Variants in UHRF2 observed in about 807,000 individuals in gnomAD.
UHRF2 encodes the protein ubiquitin like with PHD and ring finger domains 2.
In UHRF2, 23 loss-of-function variants were observed where a neutral mutation model predicts 96.8. That is an observed-to-expected ratio of 0.24 (90% CI 0.17 to 0.34). UHRF2 has a LOEUF of 0.34. UHRF2 is among the 10% of genes least tolerant of loss of function. UHRF2 has a pLI of 1.00. For synonymous variants in UHRF2, 385 were observed against 332.6 expected, an observed-to-expected ratio of 1.16 and a Z score of -1.72; for missense variants, 685 against 981.5, an observed-to-expected ratio of 0.70 and a Z score of 4.04.
Position 6,501,821 on chromosome 9 carries a change from C to G in UHRF2, c.2163+1112C>G, listed in dbSNP as rs149822542. Reference sequence around the variant, plus strand: ...ATACAGGAAGCAGTTGTTAATCAGCCTAATTATTCTCTGATTGGGAAAGAT... The same window carrying G: ...ATACAGGAAGCAGTTGTTAATCAGCGTAATTATTCTCTGATTGGGAAAGAT... On this transcript the variant is annotated intron_variant, in intron 14 of 15. Coordinates refer to ENST00000276893, the MANE Select transcript of UHRF2 (RefSeq NM_152896.3). 1.1e-3 allele frequency among the ~76,000 whole-genome samples: 169 copies of G among 152,256 alleles called. 1 individual carries two copies. Among genetic ancestry groups the G allele is most frequent in the African/African-American group, 3.9e-3 (160 of 41,544 alleles).
intron 4 of UHRF2, among the ~76,000 whole-genome samples, chr9:6,467,118 C>CT (rs1822912793): frequency 6.6e-6 from 1 of 152,296 alleles, no homozygotes; most frequent in South Asian, 2.1e-4. Flanking sequence ...TTGAATTTCA[C>CT]TAGGCAAAAA....
intron 2 of UHRF2, among the ~76,000 whole-genome samples, chr9:6,424,352 A>G (rs1181948310): frequency 1.4e-5 from 2 of 141,382 alleles, no homozygotes; most frequent in Admixed American, 7.5e-5. Context: ...TATGTAAATT[A>G]AAACAGTGCT....
chr9:6,433,095 A>G (rs1820647811), intron 2 of UHRF2, among the ~76,000 whole-genome samples: 1 of 152,194 alleles, frequency 6.6e-6, no homozygotes, highest in South Asian at 2.1e-4. Context: ...TTGGCCTTCC[A>G]AAGAGCTGGG....
chr9:6,502,528 T>G (rs1166887978), intron 14 of UHRF2, among the ~76,000 whole-genome samples: 1 of 152,216 alleles, frequency 6.6e-6, no homozygotes, highest in African/African-American at 2.4e-5. Context: ...GCTCAGGCAA[T>G]CCTCCCGCTT....
intron 2 of UHRF2, among the ~76,000 whole-genome samples, chr9:6,426,851 C>T (rs902961139): frequency 1.3e-5 from 2 of 152,106 alleles, no homozygotes; most frequent in African/African-American, 2.4e-5. Context: ...TGGGTTCAAG[C>T]GATTCTACTG....
At chr9:6,480,261 T>G (rs1002076427) in intron 6 of UHRF2, among the ~76,000 whole-genome samples, 1 of 152,244 alleles carries the variant, frequency 6.6e-6, no homozygotes, top group Non-Finnish European at 1.5e-5. Context: ...CTAGTCACTC[T>G]TGTCACATAT....
intron 9 of UHRF2, among the ~76,000 whole-genome samples, chr9:6,488,950 C>T (rs1182478770): frequency 6.6e-6 from 1 of 151,864 alleles, no homozygotes; most frequent in African/African-American, 2.4e-5. Flanking sequence ...GTAGCTGGGA[C>T]TACAGGCATG....
intron 2 of UHRF2, among the ~76,000 whole-genome samples, chr9:6,430,063 T>G (rs1311162433): frequency 6.6e-6 from 1 of 152,250 alleles, no homozygotes; most frequent in Non-Finnish European, 1.5e-5. Flanking sequence ...TGCCCTGAAG[T>G]GCAATGGCAC....
intron 14 of UHRF2, among the ~76,000 whole-genome samples, chr9:6,501,834 G>C (rs1340455851): frequency 1.3e-5 from 2 of 152,204 alleles, no homozygotes; most frequent in African/African-American, 4.8e-5. Context: ...ATTATTCTCT[G>C]ATTGGGAAAG....
chr9:6,474,468 G>A (rs1823440394), intron 4 of UHRF2, among the ~76,000 whole-genome samples: 1 of 152,182 alleles, frequency 6.6e-6, no homozygotes, highest in South Asian at 2.1e-4. Context: ...CACTTTGGGA[G>A]GCCGAGGCGG....
chr9:6,472,869 A>G (rs1483510840), intron 4 of UHRF2, among the ~76,000 whole-genome samples: 1 of 152,210 alleles, frequency 6.6e-6, no homozygotes, highest in Non-Finnish European at 1.5e-5. Context: ...TGGGGGAAAA[A>G]GGAAAAAAGA....
chr9:6,501,591 G>GA (rs1410916973), intron 14 of UHRF2, among the ~76,000 whole-genome samples: 1 of 152,068 alleles, frequency 6.6e-6, no homozygotes, highest in Non-Finnish European at 1.5e-5. Context: ...CAAATATTTG[G>GA]ATTTATATTG....
chr9:6,469,525 A>G (rs1823087526), intron 4 of UHRF2, among the ~76,000 whole-genome samples: 1 of 151,984 alleles, frequency 6.6e-6, no homozygotes, highest in African/African-American at 2.4e-5. Context: ...TCAAAAAAAA[A>G]ATTAAAAAAC....
rs1276967365 is a variant in UHRF2 at position 6,413,363 on chromosome 9, C to T, written c.-128C>T. On this transcript the variant is annotated 5_prime_UTR_variant, in exon 1 of 16. Coordinates refer to ENST00000276893, the MANE Select transcript of UHRF2 (RefSeq NM_152896.3). ...TGTCGGGCCCGGCGTCCGGTCGGTC[C>T]GGTGGGCGCGCTCGCCCGCCTGCCG... is the stretch of plus-strand genomic sequence containing the variant. 7 of 983,190 alleles carry T rather than the reference C, an allele frequency of 7.1e-6. No homozygotes were observed. The African/African-American group carries it at 8.7e-5, about 12-fold the overall frequency. 60.9% of individuals were successfully genotyped at this position (983,190 alleles called of 1,614,324 possible). A position where few individuals can be genotyped will look rare whatever the true frequency, so the allele number is the denominator to read the frequency against.
chr9:6,459,670 C>A (rs1822405857), intron 3 of UHRF2, among the ~76,000 whole-genome samples: 1 of 152,108 alleles, frequency 6.6e-6, no homozygotes, highest in African/African-American at 2.4e-5. Context: ...CTCCATCTCA[C>A]AAAACAAAAC....
chr9:6,426,949 A>G lies in UHRF2; in HGVS notation c.384+5807A>G, dbSNP rs13288601. On this transcript the variant is annotated intron_variant, in intron 2 of 15. Coordinates refer to ENST00000276893, the MANE Select transcript of UHRF2 (RefSeq NM_152896.3). ...CTTTCAGTAGAGACAAGATTTCACC[A>G]TGTTGGCTAGGCTGGTCTTGAACTC... 7.0e-3 allele frequency among the ~76,000 whole-genome samples: 1,066 copies of G among 151,308 alleles called. 5 individuals are homozygous for G. Among genetic ancestry groups the G allele is most frequent in the Middle Eastern group, 0.028 (8 of 290 alleles).
At chr9:6,497,508 C>T in intron 11 of UHRF2, 148 bp downstream of exon 11, 1 of 870,326 alleles carries the variant, frequency 1.1e-6, no homozygotes, top group Non-Finnish European at 1.7e-6. Context: ...ATGCATAAAG[C>T]AAACTCTTAA....
intron 3 of UHRF2, among the ~76,000 whole-genome samples, chr9:6,435,465 CAT>C (rs1820787459): frequency 6.6e-6 from 1 of 152,206 alleles, no homozygotes; most frequent in Non-Finnish European, 1.5e-5. Flanking sequence ...AGATAGTTCA[CAT>C]ACAGTTTACC....
intron 4 of UHRF2, among the ~76,000 whole-genome samples, chr9:6,473,695 T>C (rs1281893023): frequency 6.6e-6 from 1 of 152,214 alleles, no homozygotes; most frequent in Non-Finnish European, 1.5e-5. Context: ...GTAAATAGTT[T>C]AACATGGGGG....
Sources: gnomAD v4.1 joint callset for allele counts (sites outside exome capture counted in the v4.1 genomes callset) on GRCh38, gnomAD v4.1.1 for gene constraint, MANE v1.5 for transcripts, NCBI Gene and HGNC (gene_info 2026-07-23, HGNC 2026-07-21) for gene names.